ARL6IP5: variants seen among roughly 807,000 people sequenced by gnomAD.
The protein encoded by ARL6IP5 is PRA1 family protein 3.
Under a neutral mutation model 13.0 loss-of-function variants are expected in ARL6IP5, and 6 were observed. That is an observed-to-expected ratio of 0.46 (90% CI 0.25 to 0.91). ARL6IP5 has a LOEUF of 0.91. Among genes scored for constraint, ARL6IP5 ranks in the 40% least tolerant of loss-of-function variants. The probability of loss-of-function intolerance (pLI) is 0.17; values close to 1 mark genes in which losing one functional copy is unlikely to be tolerated. For synonymous variants in ARL6IP5, 91 were observed against 91.9 expected, an observed-to-expected ratio of 0.99 and a Z score of 0.06; for missense variants, 208 against 248.8, an observed-to-expected ratio of 0.84 and a Z score of 1.10.
At chr3:69,088,776 T>C (rs780663449) in intron 1 of ARL6IP5, among the ~76,000 whole-genome samples, 1 of 152,240 alleles carries the variant, frequency 6.6e-6, no homozygotes, top group Non-Finnish European at 1.5e-5. Flanking sequence ...ACCTTCTGCA[T>C]CCTTGATGTG....
intron 1 of ARL6IP5, among the ~76,000 whole-genome samples, chr3:69,095,784 C>T (rs1012766942): frequency 2.6e-5 from 4 of 152,124 alleles, no homozygotes; most frequent in African/African-American, 4.8e-5. Flanking sequence ...TATGATCCAC[C>T]GCACCCAGCC....
chr3:69,100,680 C>G (rs1395198953), intron 1 of ARL6IP5, among the ~76,000 whole-genome samples: 2 of 151,658 alleles, frequency 1.3e-5, no homozygotes, highest in Admixed American at 6.6e-5. Context: ...ACTCGGGAGG[C>G]TGAGGCACAA....
intron 1 of ARL6IP5, among the ~76,000 whole-genome samples, chr3:69,100,386 C>T (rs1418299265): frequency 6.6e-6 from 1 of 152,194 alleles, no homozygotes; most frequent in African/African-American, 2.4e-5. Flanking sequence ...CATTTTAAAA[C>T]ACTTATAATG....
intron 1 of ARL6IP5, among the ~76,000 whole-genome samples, chr3:69,086,559 G>C (rs183459048): frequency 6.6e-6 from 1 of 152,192 alleles, no homozygotes; most frequent in Non-Finnish European, 1.5e-5. Flanking sequence ...ATGGCTTGGT[G>C]TATAGAGGGC....
intron 1 of ARL6IP5, among the ~76,000 whole-genome samples, chr3:69,091,417 C>T (rs1016463788): frequency 1.3e-4 from 19 of 151,970 alleles, no homozygotes; most frequent in Admixed American, 4.6e-4. Context: ...GCCTCAGCAT[C>T]TTAAGTAGCT....
intron 1 of ARL6IP5, among the ~76,000 whole-genome samples, chr3:69,100,256 C>A (rs889180882): frequency 1.6e-4 from 24 of 152,134 alleles, no homozygotes; most frequent in African/African-American, 5.6e-4. Context: ...GTGTTTCCTC[C>A]ATTATCAATA....
intron 1 of ARL6IP5, among the ~76,000 whole-genome samples, chr3:69,097,531 G>C (rs547133202): frequency 2.8e-4 from 42 of 152,030 alleles, no homozygotes; most frequent in Non-Finnish European, 5.3e-4. Flanking sequence ...GAGTTTCAAG[G>C]CCTCTTCATT....
chr3:69,094,885 A>T (rs1331661304), intron 1 of ARL6IP5, among the ~76,000 whole-genome samples: 2 of 151,576 alleles, frequency 1.3e-5, no homozygotes, highest in Non-Finnish European at 2.9e-5. Flanking sequence ...ATTTTGTGAG[A>T]TTTTTTTTTC....
At chr3:69,097,510 T>C (rs2092290930) in intron 1 of ARL6IP5, among the ~76,000 whole-genome samples, 1 of 152,058 alleles carries the variant, frequency 6.6e-6, no homozygotes, top group Non-Finnish European at 1.5e-5. Context: ...TTAGATAATA[T>C]TAATCTATAA....
intron 1 of ARL6IP5, among the ~76,000 whole-genome samples, chr3:69,088,235 A>G (rs1023614232): frequency 5.9e-5 from 9 of 152,200 alleles, no homozygotes; most frequent in African/African-American, 2.2e-4. Context: ...TCTAAAGAGA[A>G]CTATCCTCTT....
chr3:69,105,079 TG>T lies in ARL6IP5; in HGVS notation c.*444del. On this transcript the variant is annotated 3_prime_UTR_variant, in exon 3 of 3. Transcript: ENST00000273258. The stretch of plus-strand genomic sequence containing the variant: ...TTCCTAATCCCCTAGAATTGTAATG[TG>T]TGGGATATAAATTAGTTTTTATTAT... The T allele has an allele frequency of 1.8e-6, 1 of 545,884 alleles. No individual in the cohort carries two copies. The allele number at this position is 545,884 out of a possible 1,614,324, so 33.8% of individuals were successfully genotyped here. A position where few individuals can be genotyped will look rare whatever the true frequency, so the allele number is the denominator to read the frequency against.
At chr3:69,089,802 C>T (rs760653044) in intron 1 of ARL6IP5, 56 of 456,562 alleles carry the variant, frequency 1.2e-4, no homozygotes, top group Non-Finnish European at 2.3e-4. Context: ...ATTTGTGCCT[C>T]CCCCTTTAGA....
intron 1 of ARL6IP5, among the ~76,000 whole-genome samples, chr3:69,088,285 G>A (rs897158554): frequency 7.2e-5 from 11 of 152,276 alleles, no homozygotes; most frequent in African/African-American, 2.6e-4. Flanking sequence ...AGCAGTGCTG[G>A]CAGCTGTTCA....
intron 2 of ARL6IP5, among the ~76,000 whole-genome samples, chr3:69,103,969 G>A (rs1362628274): frequency 6.6e-6 from 1 of 152,140 alleles, no homozygotes; most frequent in African/African-American, 2.4e-5. Flanking sequence ...TTTACATCTA[G>A]AATTCTATAC....
intron 1 of ARL6IP5, among the ~76,000 whole-genome samples, chr3:69,092,617 G>A (rs1264788363): frequency 6.6e-6 from 1 of 152,046 alleles, no homozygotes; most frequent in Non-Finnish European, 1.5e-5. Flanking sequence ...TTACAGGCAC[G>A]CACAACTATG....
At chr3:69,085,859 C>G (rs1156271452) in intron 1 of ARL6IP5, among the ~76,000 whole-genome samples, 5 of 152,168 alleles carry the variant, frequency 3.3e-5, no homozygotes. Context: ...TGGTCACTTT[C>G]TCTGTCTTCG....
chr3:69,100,359 C>A (rs1457243942), intron 1 of ARL6IP5, among the ~76,000 whole-genome samples: 3 of 152,206 alleles, frequency 2.0e-5, no homozygotes, highest in African/African-American at 7.2e-5. Flanking sequence ...TAACTCATCT[C>A]CTAATGATAC....
chr3:69,105,597 G>T lies in ARL6IP5; in HGVS notation c.*961G>T, dbSNP rs1251495128. On this transcript the variant is annotated 3_prime_UTR_variant, in exon 3 of 3. Coordinates refer to ENST00000273258, the MANE Select transcript of ARL6IP5 (RefSeq NM_006407.4). ...TTGAAAAACGTCTTTAGATGACCAA[G>T]CAAAAAGACTTTAAAAAATGGTAAT... The T allele has an allele frequency of 6.6e-6, 1 of 152,114 alleles. No individual in the cohort carries two copies. Among genetic ancestry groups the T allele is most frequent in the African/African-American group, 2.4e-5 (1 of 41,422 alleles). The allele number at this position is 152,114 out of a possible 1,614,324, so 9.4% of individuals were successfully genotyped here.
Position 69,105,850 on chromosome 3 carries a change from A to G in ARL6IP5, c.*1214A>G, listed in dbSNP as rs974250078. ...AACATTTAGGTTTCTGTAGCATTAAATTGTGAAGACAACTGGAGTGGTACT... is the reference window on the plus strand; with the variant it reads ...AACATTTAGGTTTCTGTAGCATTAAGTTGTGAAGACAACTGGAGTGGTACT... On this transcript the variant is annotated 3_prime_UTR_variant, in exon 3 of 3. Coordinates refer to ENST00000273258, the MANE Select transcript of ARL6IP5 (RefSeq NM_006407.4). 6.6e-6 allele frequency: 1 copy of G among 152,210 alleles called. No individual in the cohort carries two copies. The highest frequency in any genetic ancestry group is 1.5e-5 in the Non-Finnish European group (1 of 68,032). 9.4% of individuals were successfully genotyped at this position (152,210 alleles called of 1,614,324 possible).
Sources: gnomAD v4.1 joint callset for allele counts (sites outside exome capture counted in the v4.1 genomes callset) on GRCh38, gnomAD v4.1.1 for gene constraint, MANE v1.5 for transcripts, NCBI Gene and HGNC (gene_info 2026-07-23, HGNC 2026-07-21) for gene names.